Variants in PTPRT observed in about 807,000 individuals in gnomAD.
PTPRT encodes the protein receptor-type tyrosine-protein phosphatase T.
PTPRT carries 56 observed loss-of-function variants against 176.8 expected under a neutral mutation model. The observed-to-expected ratio is 0.32, with a 90% CI of 0.26 to 0.40. The LOEUF (loss-of-function observed/expected upper bound fraction) is 0.40. Ranked by LOEUF, PTPRT falls within the 10% of genes least tolerant of loss-of-function variation. The probability of loss-of-function intolerance (pLI) is 1.00; values close to 1 mark genes in which losing one functional copy is unlikely to be tolerated. For synonymous variants in PTPRT, 783 were observed against 739.0 expected, an observed-to-expected ratio of 1.06 and a Z score of -0.96; for missense variants, 1,540 against 1,908.2, an observed-to-expected ratio of 0.81 and a Z score of 3.60.
intron 9 of PTPRT, among the ~76,000 whole-genome samples, chr20:42,354,236 G>GTTGAACAAGA (rs2058328266): frequency 6.6e-6 from 1 of 152,164 alleles, no homozygotes; most frequent in South Asian, 2.1e-4. Context: ...GATCACCTCT[G>GTTGAACAAGA]TGTGACTTTT....
At chr20:42,367,960 C>T (rs2058537708) in intron 9 of PTPRT, among the ~76,000 whole-genome samples, 1 of 152,204 alleles carries the variant, frequency 6.6e-6, no homozygotes, top group African/African-American at 2.4e-5. Context: ...ACAGCTCCAA[C>T]TCAGACCATA....
At chr20:42,690,275 A>G (rs972380789) in intron 6 of PTPRT, among the ~76,000 whole-genome samples, 2 of 152,180 alleles carry the variant, frequency 1.3e-5, no homozygotes, top group East Asian at 1.9e-4. Flanking sequence ...CGTAGGCACA[A>G]GAGTTTTAGG....
At chr20:43,173,792 T>C (rs1000390801) in intron 1 of PTPRT, among the ~76,000 whole-genome samples, 2 of 152,204 alleles carry the variant, frequency 1.3e-5, no homozygotes, top group Non-Finnish European at 2.9e-5. Flanking sequence ...CTGGGATAGT[T>C]GAGACTCACT....
intron 16 of PTPRT, among the ~76,000 whole-genome samples, chr20:42,179,500 A>G (rs1015762006): frequency 1.3e-5 from 2 of 152,244 alleles, no homozygotes; most frequent in Non-Finnish European, 2.9e-5. Context: ...TAAGACAATG[A>G]ATTAGCCACA....
At chr20:42,872,308 T>C (rs1358768340) in intron 2 of PTPRT, among the ~76,000 whole-genome samples, 1 of 152,242 alleles carries the variant, frequency 6.6e-6, no homozygotes, top group Non-Finnish European at 1.5e-5. Context: ...CACTGATTAG[T>C]AGTTGTGGGG....
intron 1 of PTPRT, among the ~76,000 whole-genome samples, chr20:43,163,266 G>A (rs552749651): frequency 2.4e-4 from 37 of 152,264 alleles, no homozygotes; most frequent in African/African-American, 6.7e-4. Context: ...TTGCTTGGAG[G>A]CCAGCCACAT....
chr20:42,625,244 T>C (rs1006472107), intron 7 of PTPRT, among the ~76,000 whole-genome samples: 2 of 152,060 alleles, frequency 1.3e-5, no homozygotes, highest in Admixed American at 1.3e-4. Flanking sequence ...GAGAAGATGT[T>C]TAATTTCTCT....
chr20:42,558,769 A>G (rs2072903340), intron 7 of PTPRT, among the ~76,000 whole-genome samples: 1 of 152,158 alleles, frequency 6.6e-6, no homozygotes, highest in Admixed American at 6.5e-5. Context: ...GTAACCACCG[A>G]CAATACAGCC....
At chr20:42,137,684 T>A (rs190760907) in intron 18 of PTPRT, among the ~76,000 whole-genome samples, 3 of 152,192 alleles carry the variant, frequency 2.0e-5, no homozygotes, top group African/African-American at 7.2e-5. Flanking sequence ...TAAAAGTCTG[T>A]GACTTAAGGG....
chr20:42,453,688 A>T (rs58338621), intron 8 of PTPRT, among the ~76,000 whole-genome samples: 495 of 142,398 alleles, frequency 3.5e-3, no homozygotes, highest in African/African-American at 5.3e-3. Flanking sequence ...TTTTTTTTTT[A>T]AGACAGAGTT....
At chr20:42,247,806 T>C (rs2056480768) in intron 14 of PTPRT, among the ~76,000 whole-genome samples, 1 of 152,164 alleles carries the variant, frequency 6.6e-6, no homozygotes, top group Non-Finnish European at 1.5e-5. Context: ...GTTAACATGG[T>C]GGCAGGCAGG....
intron 1 of PTPRT, among the ~76,000 whole-genome samples, chr20:42,980,348 G>A (rs1168569029): frequency 6.6e-6 from 1 of 152,140 alleles, no homozygotes; most frequent in Non-Finnish European, 1.5e-5. Context: ...TGTAACCTTG[G>A]GCAAGACTTC....
intron 7 of PTPRT, among the ~76,000 whole-genome samples, chr20:42,567,214 A>G (rs564125878): frequency 2.4e-4 from 37 of 152,144 alleles, no homozygotes; most frequent in African/African-American, 8.0e-4. Context: ...TGGAGGCTGC[A>G]GTGAACCAAG....
intron 1 of PTPRT, among the ~76,000 whole-genome samples, chr20:43,007,490 T>C (rs1291428124): frequency 1.3e-5 from 2 of 152,272 alleles, no homozygotes. Context: ...CCAAATGTTA[T>C]GATTTAGATA....
At chr20:42,785,192 C>T (rs556398638) in intron 3 of PTPRT, among the ~76,000 whole-genome samples, 29 of 152,272 alleles carry the variant, frequency 1.9e-4, no homozygotes, top group African/African-American at 6.5e-4. Context: ...CAAGAAAAGG[C>T]ACATGTCGGG....
At chr20:42,173,290 G>A (rs1007636877) in intron 16 of PTPRT, among the ~76,000 whole-genome samples, 3 of 152,168 alleles carry the variant, frequency 2.0e-5, no homozygotes, top group African/African-American at 7.2e-5. Context: ...TGTGTCTGGA[G>A]TGAACTGGGC....
intron 3 of PTPRT, among the ~76,000 whole-genome samples, chr20:42,790,464 G>A (rs1234000723): frequency 1.3e-5 from 2 of 151,862 alleles, no homozygotes; most frequent in Non-Finnish European, 2.9e-5. Context: ...GAGAGGAAGT[G>A]TCCCTTCACC....
In PTPRT at chr20:43,127,409, C is replaced by T. The variant is rs561173326; in HGVS notation, c.88+62237G>A. On this transcript the variant is annotated intron_variant, in intron 1 of 30. Transcript: ENST00000373187. Reference sequence around the variant, plus strand: ...CTGCACTCCTGCCTGGGCAACAGAGCGAGACTCCATCTCAAAAAAAAAAAA... The same window carrying T: ...CTGCACTCCTGCCTGGGCAACAGAGTGAGACTCCATCTCAAAAAAAAAAAA... Among the ~76,000 whole-genome samples the T allele has an allele frequency of 5.5e-4, 80 of 144,272 alleles. 4 individuals are homozygous for T. Among genetic ancestry groups the T allele is most frequent in the African/African-American group, 2.1e-4 (8 of 38,644 alleles). 94.6% of individuals were successfully genotyped at this position (144,272 alleles called of 152,430 possible). A position where few individuals can be genotyped will look rare whatever the true frequency, so the allele number is the denominator to read the frequency against.
intron 7 of PTPRT, among the ~76,000 whole-genome samples, chr20:42,506,007 C>G (rs2071837605): frequency 6.6e-6 from 1 of 152,040 alleles, no homozygotes; most frequent in Non-Finnish European, 1.5e-5. Context: ...TGACTGGTGG[C>G]AATAAAGTCA....
Sources: allele counts gnomAD v4.1 joint callset (sites outside exome capture counted in the v4.1 genomes callset), GRCh38; gene constraint gnomAD v4.1.1; transcripts MANE v1.5; gene names NCBI Gene and HGNC (gene_info 2026-07-23, HGNC 2026-07-21).